ASCC3: variants seen among roughly 807,000 people sequenced by gnomAD.
ASCC3 encodes the protein activating signal cointegrator 1 complex subunit 3, also known as ASC-1 complex subunit P200.
In ASCC3, 158 loss-of-function variants were observed where a neutral mutation model predicts 256.3. That is an observed-to-expected ratio of 0.62 (90% CI 0.54 to 0.70). ASCC3 has a LOEUF of 0.70. Among genes scored for constraint, ASCC3 ranks in the 30% least tolerant of loss-of-function variants. ASCC3 has a pLI of 0.00. For missense variants in ASCC3, 2,259 were observed against 2,626.0 expected (o/e 0.86, Z 3.05); for synonymous variants, 948 against 883.4 (o/e 1.07, Z -1.30).
chr6:100,795,848 T>C (rs1769586080), intron 8 of ASCC3, among the ~76,000 whole-genome samples: 2 of 152,086 alleles, frequency 1.3e-5, no homozygotes, highest in Non-Finnish European at 2.9e-5. Context: ...CTCTGACACA[T>C]AAAAGATCCT....
At position 100,625,341 on chromosome 6, in the gene ASCC3, A is replaced by T; in HGVS notation, c.4643-7T>A. 1 of 1,612,120 alleles carries T rather than the reference A, an allele frequency of 6.2e-7. No homozygotes were observed. The highest frequency in any genetic ancestry group is 1.1e-5 in the South Asian group (1 of 91,040). ...GGAGAATGGCTTCTAATTGCTGTTG[A>T]AAAGTTGTGGGAAATAAAATGGAAA... On this transcript the variant is annotated splice_polypyrimidine_tract_variant and splice_region_variant and intron_variant, in intron 29 of 41. Transcript: ENST00000369162.
chr6:100,647,396 G>T lies in ASCC3; in HGVS notation c.3308C>A (p.Pro1103His). 6.2e-7 allele frequency: 1 copy of T among 1,613,994 alleles called. No homozygotes were observed. Among genetic ancestry groups the T allele is most frequent in the Non-Finnish European group, 8.5e-7 (1 of 1,179,978 alleles). Reference sequence around the variant, plus strand: ...ATTCAGGAGCCTGTAGGTCATGGTAGGCCAACGTTTCCTCAGAGCAATTTC... The same window carrying T: ...ATTCAGGAGCCTGTAGGTCATGGTATGCCAACGTTTCCTCAGAGCAATTTC... Reference protein sequence around the residue: ...LFEIALRKRWPTMTYRLLNLS... With the variant: ...LFEIALRKRWHTMTYRLLNLS... Residue 1103 changes from proline to histidine, a missense_variant, in exon 21 of 42, where the codon CCT (proline) becomes CAT (histidine). Coordinates refer to ENST00000369162, the MANE Select transcript of ASCC3 (RefSeq NM_006828.4).
intron 13 of ASCC3, among the ~76,000 whole-genome samples, chr6:100,681,580 A>T (rs984854099): frequency 6.6e-6 from 1 of 151,534 alleles, no homozygotes; most frequent in Non-Finnish European, 1.5e-5. Flanking sequence ...TACAAAAATT[A>T]GCGGGGCGTG....
chr6:100,636,462 C>T (rs1177643863), intron 25 of ASCC3, among the ~76,000 whole-genome samples: 1 of 152,154 alleles, frequency 6.6e-6, no homozygotes, highest in Non-Finnish European at 1.5e-5. Context: ...CCTCCTTCTT[C>T]CCTAAGACAC....
At chr6:100,776,201 C>T (rs1782179530) in intron 8 of ASCC3, among the ~76,000 whole-genome samples, 1 of 151,990 alleles carries the variant, frequency 6.6e-6, no homozygotes, top group Non-Finnish European at 1.5e-5. Context: ...TGATTTTATA[C>T]ATTAATGAAT....
intron 4 of ASCC3, 44 bp from the exon 5 acceptor site, chr6:100,805,924 G>A: frequency 6.3e-7 from 1 of 1,590,826 alleles, no homozygotes; most frequent in Non-Finnish European, 8.6e-7. Context: ...TTATCTCAAA[G>A]TTTAACTTTT....
chr6:100,529,451 A>C (rs1257193877), intron 37 of ASCC3, among the ~76,000 whole-genome samples: 1 of 152,194 alleles, frequency 6.6e-6, no homozygotes, highest in Non-Finnish European at 1.5e-5. Flanking sequence ...TGATATAATA[A>C]AGCAGTTACA....
At chr6:100,866,969 T>C (rs1198571645) in intron 2 of ASCC3, among the ~76,000 whole-genome samples, 3 of 152,236 alleles carry the variant, frequency 2.0e-5, no homozygotes, top group Admixed American at 2.0e-4. Context: ...ATGCTTTTAA[T>C]TTTTCCATAA....
chr6:100,655,910 A>C, intron 16 of ASCC3, 92 bp from the exon 17 acceptor site: 2 of 1,422,796 alleles, frequency 1.4e-6, no homozygotes, highest in South Asian at 2.3e-5. Context: ...AAGTTTTAAA[A>C]ATACATCATT....
intron 36 of ASCC3, among the ~76,000 whole-genome samples, chr6:100,542,789 C>CT (rs1208753006): frequency 6.6e-6 from 1 of 151,816 alleles, no homozygotes; most frequent in Admixed American, 6.6e-5. Context: ...CATACAAAAG[C>CT]TGAAATAATT....
At chr6:100,847,003 A>G (rs1329020347) in intron 4 of ASCC3, among the ~76,000 whole-genome samples, 1 of 152,176 alleles carries the variant, frequency 6.6e-6, no homozygotes, top group Admixed American at 6.6e-5. Flanking sequence ...TAAATATATG[A>G]CAAATGAAGC....
At chr6:100,564,133 T>C (rs1347751856) in intron 36 of ASCC3, among the ~76,000 whole-genome samples, 1 of 152,034 alleles carries the variant, frequency 6.6e-6, no homozygotes, top group Non-Finnish European at 1.5e-5. Context: ...TAGTTGTACA[T>C]ATTCATGGGG....
intron 13 of ASCC3, among the ~76,000 whole-genome samples, chr6:100,707,911 T>C (rs1778680946): frequency 6.6e-6 from 1 of 152,112 alleles, no homozygotes; most frequent in East Asian, 1.9e-4. Flanking sequence ...AAATAGAACA[T>C]ACCTTCCTTT....
chr6:100,650,732 T>C lies in ASCC3; in HGVS notation c.3076-18A>G, dbSNP rs768532241. On this transcript the variant is annotated intron_variant, in intron 19 of 41. Coordinates refer to ENST00000369162, the MANE Select transcript of ASCC3 (RefSeq NM_006828.4). ...TCTCTGACCTAGAAGAATCAATGTA[T>C]TTATTGGAATTTTGGGGCTGATTTA... 1 of 1,591,240 alleles carries C rather than the reference T, an allele frequency of 6.3e-7. No homozygotes were observed. Among genetic ancestry groups the C allele is most frequent in the Middle Eastern group, 1.9e-4 (1 of 5,246 alleles).
intron 14 of ASCC3, among the ~76,000 whole-genome samples, chr6:100,663,267 G>T (rs931118188): frequency 6.6e-6 from 1 of 151,994 alleles, no homozygotes; most frequent in Non-Finnish European, 1.5e-5. Flanking sequence ...GCTTTCTGTG[G>T]TTTCCATTAC....
intron 37 of ASCC3, among the ~76,000 whole-genome samples, chr6:100,538,462 T>C (rs1329629309): frequency 2.0e-5 from 3 of 152,282 alleles, no homozygotes; most frequent in East Asian, 3.9e-4. Context: ...AATTCTTCAG[T>C]TTCTAAAACA....
intron 3 of ASCC3, among the ~76,000 whole-genome samples, chr6:100,850,031 CGGA>C (rs1772582846): frequency 7.4e-6 from 1 of 134,504 alleles, no homozygotes; most frequent in East Asian, 2.4e-4. Context: ...ACCTAGGAGG[CGGA>C]GGTTGCAGTG....
chr6:100,701,618 A>G (rs965783151), intron 13 of ASCC3, among the ~76,000 whole-genome samples: 3 of 152,130 alleles, frequency 2.0e-5, no homozygotes, highest in Non-Finnish European at 4.4e-5. Context: ...AACCAGAGAC[A>G]GCCCTTGTTG....
At chr6:100,864,394 T>C (rs17673031) in intron 2 of ASCC3, among the ~76,000 whole-genome samples, 180 bp from the exon 3 acceptor site, 21,803 of 152,250 alleles carry the variant, frequency 0.14, 1,916 homozygotes, top group Non-Finnish European at 0.2. Flanking sequence ...TGGGTGTTCA[T>C]AGATTCTCAT....
Sources: allele counts gnomAD v4.1 joint callset (sites outside exome capture counted in the v4.1 genomes callset), GRCh38; gene constraint gnomAD v4.1.1; transcripts MANE v1.5; gene names NCBI Gene and HGNC (gene_info 2026-07-23, HGNC 2026-07-21).